Variants in UQCRC2 observed in about 807,000 individuals in gnomAD.
UQCRC2 encodes the protein cytochrome b-c1 complex subunit 2, mitochondrial.
UQCRC2 carries 49 observed loss-of-function variants against 55.6 expected under a neutral mutation model. The observed-to-expected ratio is 0.88, with a 90% CI of 0.70 to 1.12. The LOEUF (loss-of-function observed/expected upper bound fraction) is 1.12. Among genes scored for constraint, UQCRC2 ranks in the 50% most tolerant of loss-of-function variants. The pLI, the probability that UQCRC2 is intolerant of heterozygous loss-of-function variation, is 0.00. For synonymous variants in UQCRC2, 193 were observed against 192.0 expected (o/e 1.01, Z -0.04); for missense variants, 506 against 547.8 (o/e 0.92, Z 0.76).
At chr16:21,958,092 G>A (rs1898120907) in intron 3 of UQCRC2, among the ~76,000 whole-genome samples, 1 of 152,038 alleles carries the variant, frequency 6.6e-6, no homozygotes, top group South Asian at 2.1e-4. Flanking sequence ...TAAATTTGGG[G>A]GGGAACACTG....
chr16:21,955,724 A>C (rs567305984), intron 1 of UQCRC2, among the ~76,000 whole-genome samples: 220 of 152,364 alleles, frequency 1.4e-3, no homozygotes, highest in African/African-American at 4.7e-3. Context: ...TTAGTCAAAA[A>C]AACTAAGACC....
At position 21,963,081 on chromosome 16, in the gene UQCRC2, C is replaced by G. The variant is rs893324210; in HGVS notation, c.514+196C>G. ...TTGGCTCACTGCAACCTCCAGCTCCCGGGTTCAAGCAATTCTCCTGCCTCA... is the reference window on the plus strand; with the variant it reads ...TTGGCTCACTGCAACCTCCAGCTCCGGGGTTCAAGCAATTCTCCTGCCTCA... On this transcript the variant is annotated intron_variant, in intron 6 of 13. Transcript: ENST00000268379. 8 of 503,912 alleles carry G rather than the reference C, an allele frequency of 1.6e-5. No homozygotes were observed. The Middle Eastern group carries it at 2.7e-3, about 170-fold the overall frequency. The allele number at this position is 503,912 out of a possible 1,614,324, so 31.2% of individuals were successfully genotyped here.
chr16:21,956,531 A>G (rs1242076769), intron 1 of UQCRC2, among the ~76,000 whole-genome samples: 1 of 152,166 alleles, frequency 6.6e-6, no homozygotes, highest in East Asian at 1.9e-4. Context: ...GACACAGAGC[A>G]CGACTCCAAC....
At chr16:21,968,041 G>A (rs377078298) in intron 7 of UQCRC2, among the ~76,000 whole-genome samples, 7 of 134,310 alleles carry the variant, frequency 5.2e-5, no homozygotes, top group African/African-American at 1.1e-4. Context: ...TTGCTGTGTC[G>A]CCCAGGCCAG....
intron 1 of UQCRC2, among the ~76,000 whole-genome samples, chr16:21,954,978 C>A (rs1898065440): frequency 6.7e-6 from 1 of 149,460 alleles, no homozygotes; most frequent in Non-Finnish European, 1.5e-5. Context: ...TCTCTTGAAC[C>A]CAGGAGGCGG....
In UQCRC2 at chr16:21,961,047, T is replaced by C. The variant is rs142341408; in HGVS notation, c.333-1413T>C. Among the ~76,000 whole-genome samples, 270 of 152,198 alleles carry C rather than the reference T, an allele frequency of 1.8e-3. 1 individual carries two copies. Among genetic ancestry groups the C allele is most frequent in the African/African-American group, 6.1e-3 (252 of 41,526 alleles). Reference sequence around the variant, plus strand: ...GGTCTCACTATGTTGCCCAGACTGGTCTTGAACTCCTGGCCTCAGGTGATC... The same window carrying C: ...GGTCTCACTATGTTGCCCAGACTGGCCTTGAACTCCTGGCCTCAGGTGATC... On this transcript the variant is annotated intron_variant, in intron 4 of 13. Coordinates refer to ENST00000268379, the MANE Select transcript of UQCRC2 (RefSeq NM_003366.4).
rs778708457 is a variant in UQCRC2, at chr16:21,957,221, T to G, written c.34-14T>G. On this transcript the variant is annotated splice_polypyrimidine_tract_variant and intron_variant, in intron 1 of 13. Transcript: ENST00000268379. ...TTGTGAGAAATACGTGTAACCTGTGTTTTTTATGTTTAGAGATTTTATTCC... is the reference window on the plus strand; with the variant it reads ...TTGTGAGAAATACGTGTAACCTGTGGTTTTTATGTTTAGAGATTTTATTCC... 6.2e-7 allele frequency: 1 copy of G among 1,612,762 alleles called. No homozygotes were observed. The highest frequency in any genetic ancestry group is 1.1e-5 in the South Asian group (1 of 91,012).
At chr16:21,970,480 C>T (rs1483700726) in intron 8 of UQCRC2, among the ~76,000 whole-genome samples, 1 of 152,178 alleles carries the variant, frequency 6.6e-6, no homozygotes, top group Non-Finnish European at 1.5e-5. Flanking sequence ...TTATGAACAA[C>T]CTACTGGGTG....
chr16:21,977,280 C>T (rs558800376), intron 12 of UQCRC2, among the ~76,000 whole-genome samples: 8 of 151,838 alleles, frequency 5.3e-5, no homozygotes, highest in East Asian at 1.9e-4. Context: ...CTTGAGCCCA[C>T]GAGTTTGAGG....
chr16:21,965,505 G>C lies in UQCRC2; in HGVS notation c.612G>C (p.Glu204Asp). Residue 204 changes from glutamate (E) to aspartate (D), a missense_variant and splice_region_variant, in exon 7 of 14, where the codon GAG (glutamate) becomes GAC (aspartate). Coordinates refer to ENST00000268379, the MANE Select transcript of UQCRC2 (RefSeq NM_003366.4). Reference sequence around the variant, plus strand: ...GGATTGGAAAAGTGACATCAGAGGAGGTACCAATAAAACATATTTTGAAAT... The same window carrying C: ...GGATTGGAAAAGTGACATCAGAGGACGTACCAATAAAACATATTTTGAAAT... ...DYRIGKVTSE[E>D]LHYFVQNHFT... is the part of the protein sequence containing the mutation. The C allele has an allele frequency of 6.4e-7, 1 of 1,574,534 alleles. No homozygotes were observed. Among genetic ancestry groups the C allele is most frequent in the Non-Finnish European group, 8.6e-7 (1 of 1,162,094 alleles).
intron 4 of UQCRC2, among the ~76,000 whole-genome samples, chr16:21,959,964 T>C (rs567852591): frequency 2.1e-4 from 32 of 152,346 alleles, no homozygotes; most frequent in African/African-American, 7.5e-4. Context: ...TCCAGGCTTT[T>C]TTGTTCATTT....
chr16:21,983,361 G>GT lies in UQCRC2; in HGVS notation c.*195dup. On this transcript the variant is annotated 3_prime_UTR_variant, in exon 14 of 14. Transcript: ENST00000268379. ...CATTCTGTTTAAGTGTTTTTCTTAC[G>GT]TTTTTCTCAATGAGTTAATCAACAA... 1 of 532,310 alleles carries GT rather than the reference G, an allele frequency of 1.9e-6. No individual in the cohort carries two copies. The highest frequency in any genetic ancestry group is 3.3e-6 in the Non-Finnish European group (1 of 307,418). The allele number at this position is 532,310 out of a possible 1,614,324, so 33.0% of individuals were successfully genotyped here. A position where few individuals can be genotyped will look rare whatever the true frequency, so the allele number is the denominator to read the frequency against.
intron 10 of UQCRC2, among the ~76,000 whole-genome samples, chr16:21,973,309 G>A (rs1898508104): frequency 6.6e-6 from 1 of 152,252 alleles, no homozygotes; most frequent in Admixed American, 6.5e-5. Context: ...TAAGAACTTA[G>A]ATAATTTTTA....
intron 12 of UQCRC2, 49 bp from the exon 13 acceptor site, chr16:21,980,498 A>T (rs747364488): frequency 3.2e-6 from 5 of 1,586,250 alleles, no homozygotes; most frequent in Non-Finnish European, 4.3e-6. Context: ...CAGAAAAAAA[A>T]AATAATTGCC....
chr16:21,977,689 T>G (rs1468582123), intron 12 of UQCRC2, among the ~76,000 whole-genome samples: 2 of 152,216 alleles, frequency 1.3e-5, no homozygotes, highest in Non-Finnish European at 2.9e-5. Flanking sequence ...ACATTTAAGT[T>G]TGACTCCATC....
chr16:21,982,534 T>G (rs1454895449), intron 13 of UQCRC2, among the ~76,000 whole-genome samples: 1 of 152,218 alleles, frequency 6.6e-6, no homozygotes, highest in Non-Finnish European at 1.5e-5. Context: ...AGTGTTGCTC[T>G]TGCTTGGTTC....
rs139348570 is a variant in UQCRC2 at position 21,965,429 on chromosome 16, C to T, written c.536C>T (p.Ala179Val). Residue 179 changes from alanine (A) to valine (V), a missense_variant, in exon 7 of 14, where the codon GCA becomes GTA. Coordinates refer to ENST00000268379, the MANE Select transcript of UQCRC2 (RefSeq NM_003366.4). ...ACAGATGTCATTGAAAATTTGCATG[C>T]AGCAGCTTACCGGAATGCCTTGGCT... ...PQTHVIENLH[A>V]AAYRNALANP... is the part of the protein sequence containing the mutation. 11 of 1,613,780 alleles carry T rather than the reference C, an allele frequency of 6.8e-6. 1 individual carries two copies. Among genetic ancestry groups the T allele is most frequent in the African/African-American group, 2.7e-5 (2 of 74,908 alleles).
rs1461404218 is a variant in UQCRC2, at chr16:21,967,996, ATTCC to A, written c.613-629_613-626del. ...CCAGTGTATGCTCTAATTTCTTTTT[ATTCC>A]TTTTTTTTTTTTTTTTTTTGAGACA... On this transcript the variant is annotated intron_variant, in intron 7 of 13. Transcript: ENST00000268379. Among the ~76,000 whole-genome samples, 53 of 143,968 alleles carry A rather than the reference ATTCC, an allele frequency of 3.7e-4. No individual in the cohort carries two copies. The East Asian group carries it at 9.2e-3, about 25-fold the overall frequency. The allele number at this position is 143,968 out of a possible 152,430, so 94.4% of individuals were successfully genotyped here.
At chr16:21,965,729 A>G (rs1414249716) in intron 7 of UQCRC2, among the ~76,000 whole-genome samples, 3 of 152,232 alleles carry the variant, frequency 2.0e-5, no homozygotes, top group Non-Finnish European at 4.4e-5. Context: ...TCATTACAGA[A>G]AAATTAAAAA....
Sources: allele counts gnomAD v4.1 joint callset (sites outside exome capture counted in the v4.1 genomes callset), GRCh38; gene constraint gnomAD v4.1.1; transcripts MANE v1.5; gene names NCBI Gene and HGNC (gene_info 2026-07-23, HGNC 2026-07-21).